The following TTC6 variants were observed in gnomAD, a reference collection of about 807,000 sequenced individuals.
TTC6 encodes the protein tetratricopeptide repeat protein 6.
TTC6 carries 172 observed loss-of-function variants against 210.4 expected under a neutral mutation model. The observed-to-expected ratio is 0.82, with a 90% CI of 0.72 to 0.93. TTC6 has a LOEUF of 0.93. TTC6 is among the 40% of genes least tolerant of loss of function. The pLI, the probability that TTC6 is intolerant of heterozygous loss-of-function variation, is 0.00. For missense variants in TTC6, 2,414 were observed against 2,318.1 expected (o/e 1.04, Z -0.85); for synonymous variants, 804 against 819.6 (o/e 0.98, Z 0.32).
intron 1 of TTC6, among the ~76,000 whole-genome samples, chr14:37,676,648 C>A (rs1282426859): frequency 6.6e-6 from 1 of 152,034 alleles, no homozygotes; most frequent in African/African-American, 2.4e-5. Flanking sequence ...AATCCAAGGT[C>A]ATGAAGATGT....
At chr14:37,832,749 T>C (rs1260271079) in intron 29 of TTC6, among the ~76,000 whole-genome samples, 1 of 152,094 alleles carries the variant, frequency 6.6e-6, no homozygotes, top group African/African-American at 2.4e-5. Context: ...CTGGAGAATA[T>C]TCCATGTACT....
In TTC6 at chr14:37,753,091, C is replaced by T. The variant is rs566215823; in HGVS notation, c.3130-8C>T. 1.0e-4 allele frequency: 152 copies of T among 1,527,006 alleles called. No individual in the cohort carries two copies. The highest frequency in any genetic ancestry group is 9.2e-4 in the African/African-American group (67 of 72,854). 94.6% of individuals were successfully genotyped at this position (1,527,006 alleles called of 1,614,324 possible). A position where few individuals can be genotyped will look rare whatever the true frequency, so the allele number is the denominator to read the frequency against. ...GTGATGTTTATGTACCTCCCGCTGT[C>T]CCTATAGTGTATTTTTTATGATCCC... On this transcript the variant is annotated splice_region_variant and splice_polypyrimidine_tract_variant and intron_variant, in intron 13 of 30. Transcript: ENST00000553443.
At chr14:37,722,543 A>G (rs2095863960) in intron 6 of TTC6, among the ~76,000 whole-genome samples, 2 of 152,066 alleles carry the variant, frequency 1.3e-5, no homozygotes, top group African/African-American at 2.4e-5. Context: ...GGGTCTTACT[A>G]TGTTGCTCAA....
intron 14 of TTC6, among the ~76,000 whole-genome samples, chr14:37,766,764 T>C (rs546333684): frequency 6.6e-6 from 1 of 152,328 alleles, no homozygotes; most frequent in East Asian, 1.9e-4. Context: ...AATTCTGCTT[T>C]GAGTTCTTTG....
chr14:37,787,891 G>GTC, intron 15 of TTC6, among the ~76,000 whole-genome samples: 1 of 25,782 alleles, frequency 3.9e-5, no homozygotes, highest in East Asian at 7.5e-3. Context: ...GTGTGTGTCT[G>GTC]TGTGTGTGTG....
At position 37,793,709 on chromosome 14, in the gene TTC6, A is replaced by G. The variant is rs927443520; in HGVS notation, c.3708+1295A>G. 5.3e-5 allele frequency among the ~76,000 whole-genome samples: 8 copies of G among 152,328 alleles called. No homozygotes were observed. The South Asian group carries it at 8.3e-4, about 16-fold the overall frequency. ...TCTGAGCACATAGAGAAATGGAAAC[A>G]CTAGCATGATAGCAAGGTGTAAGGA... On this transcript the variant is annotated intron_variant, in intron 17 of 30. Transcript: ENST00000553443.
chr14:37,736,044 T>G (rs187086134), intron 8 of TTC6, 34 bp downstream of exon 10: 97 of 1,091,986 alleles, frequency 8.9e-5, no homozygotes, highest in South Asian at 3.3e-4. Context: ...TTAGGATTGT[T>G]TACTCTATCT....
intron 1 of TTC6, among the ~76,000 whole-genome samples, chr14:37,640,930 G>A (rs1373532122): frequency 6.6e-6 from 1 of 152,182 alleles, no homozygotes; most frequent in African/African-American, 2.4e-5. Context: ...TGGGCCACAA[G>A]CTGACAAGCT....
intron 5 of TTC6, among the ~76,000 whole-genome samples, chr14:37,707,102 G>T (rs1196792075): frequency 1.3e-5 from 2 of 151,732 alleles, no homozygotes; most frequent in African/African-American, 4.8e-5. Context: ...ATCTAATCTT[G>T]TGATACAGAA....
exon 1 of TTC6, chr14:37,622,394 C>T (rs924618501): frequency 2.6e-6 from 4 of 1,533,684 alleles, no homozygotes; most frequent in Non-Finnish European, 2.6e-6. Flanking sequence ...CGGCTCCAGG[C>T]AAGACCCGGT....
intron 1 of TTC6, among the ~76,000 whole-genome samples, chr14:37,657,212 C>CAAAAAAAAAAAAAAAAAAAAAAAAA: frequency 2.8e-5 from 1 of 35,622 alleles, no homozygotes; most frequent in Non-Finnish European, 5.3e-5. Context: ...AACTCTGTCT[C>CAAAAAAAAAAAAAAAAAAAAAAAAA]AAAAAAAAAA....
At chr14:37,609,908 G>A (rs1790396687) in intron 2 of TTC6, among the ~76,000 whole-genome samples, 1 of 152,210 alleles carries the variant, frequency 6.6e-6, no homozygotes, top group Admixed American at 6.5e-5. Context: ...AGTGCTCACA[G>A]GGCAGTGAGA....
chr14:37,761,022 G>A (rs12100741), intron 14 of TTC6, among the ~76,000 whole-genome samples: 82,920 of 151,848 alleles, frequency 0.55, 23,640 homozygotes, highest in Middle Eastern at 0.68. Context: ...AGGGGAGTAA[G>A]TGGTTCTGTC....
intron 16 of TTC6, among the ~76,000 whole-genome samples, chr14:37,791,313 C>T (rs1286483697): frequency 3.3e-5 from 5 of 152,188 alleles, no homozygotes; most frequent in Admixed American, 6.5e-5. Flanking sequence ...ACACTAATAC[C>T]ATGTAGACCA....
At chr14:37,827,238 C>T (rs866711091) in exon 29 of TTC6, 1 of 1,612,926 alleles carries the variant, frequency 6.2e-7, no homozygotes, top group Non-Finnish European at 8.5e-7. Context: ...TGGGGTGATT[C>T]ATGAGTTTAT....
chr14:37,622,921 C>A, exon 1 of TTC6: 1 of 1,533,930 alleles, frequency 6.5e-7, no homozygotes, highest in East Asian at 2.4e-5. Context: ...TCTCTGCAGT[C>A]CGAGGCCCAG....
At chr14:37,840,249 A>G (rs1442661404) in intron 29 of TTC6, among the ~76,000 whole-genome samples, 1 of 152,214 alleles carries the variant, frequency 6.6e-6, no homozygotes, top group Non-Finnish European at 1.5e-5. Flanking sequence ...GAAGAAATGG[A>G]TAAATTCCTG....
chr14:37,769,348 T>G (rs1189918808), intron 14 of TTC6, among the ~76,000 whole-genome samples: 1 of 151,680 alleles, frequency 6.6e-6, no homozygotes, highest in African/African-American at 2.4e-5. Flanking sequence ...CCTCTTTTTC[T>G]ATTGATTGGA....
chr14:37,789,985 C>A (rs186245674), intron 15 of TTC6, among the ~76,000 whole-genome samples: 70 of 152,172 alleles, frequency 4.6e-4, no homozygotes, highest in African/African-American at 1.6e-3. Flanking sequence ...AATTCACTAA[C>A]ATGTTTTGAA....
Sources: allele counts gnomAD v4.1 joint callset (sites outside exome capture counted in the v4.1 genomes callset), GRCh38; gene constraint gnomAD v4.1.1; transcripts MANE v1.5; gene names NCBI Gene and HGNC (gene_info 2026-07-23, HGNC 2026-07-21).